Variants in BCHE observed in about 807,000 individuals in gnomAD.
The protein encoded by BCHE is butyrylcholinesterase.
In BCHE, 48 loss-of-function variants were observed where a neutral mutation model predicts 51.3. That is an observed-to-expected ratio of 0.94 (90% CI 0.74 to 1.19). The LOEUF (loss-of-function observed/expected upper bound fraction) is 1.19, where lower values mean the gene tolerates loss of function less well. BCHE is among the 50% of genes most tolerant of loss of function. The pLI, the probability that BCHE is intolerant of heterozygous loss-of-function variation, is 0.00. For synonymous variants in BCHE, 251 were observed against 238.0 expected (o/e 1.05, Z -0.50); for missense variants, 847 against 708.2 (o/e 1.20, Z -2.23).
At chr3:165,825,759 G>A (rs950469142) in intron 2 of BCHE, among the ~76,000 whole-genome samples, 18 of 151,798 alleles carry the variant, frequency 1.2e-4, no homozygotes, top group Admixed American at 9.9e-4. Context: ...GTGTCCATGT[G>A]TTCTCATTGT....
At chr3:165,832,772 G>A (rs1357929036) in intron 1 of BCHE, among the ~76,000 whole-genome samples, 2 of 151,874 alleles carry the variant, frequency 1.3e-5, no homozygotes, top group Non-Finnish European at 2.9e-5. Flanking sequence ...CAAATACTAA[G>A]CATTTGTATT....
intron 2 of BCHE, among the ~76,000 whole-genome samples, chr3:165,802,143 G>C (rs1713677077): frequency 3.3e-5 from 5 of 152,144 alleles, no homozygotes; most frequent in Admixed American, 3.3e-4. Flanking sequence ...ACCAGAGTCT[G>C]CTACTAAAAG....
chr3:165,774,972 C>A (rs1467326583), intron 3 of BCHE, among the ~76,000 whole-genome samples: 1 of 151,660 alleles, frequency 6.6e-6, no homozygotes, highest in African/African-American at 2.4e-5. Flanking sequence ...GCATAATAAG[C>A]AATATATATA....
At chr3:165,823,708 T>A (rs1714611202) in intron 2 of BCHE, among the ~76,000 whole-genome samples, 1 of 152,058 alleles carries the variant, frequency 6.6e-6, no homozygotes, top group Non-Finnish European at 1.5e-5. Context: ...AAGACTTAAA[T>A]AATCCCAATG....
intron 3 of BCHE, among the ~76,000 whole-genome samples, chr3:165,783,976 G>A (rs150284109): frequency 1.7e-3 from 263 of 152,048 alleles, no homozygotes; most frequent in African/African-American, 6.2e-3. Context: ...CATTTTATTT[G>A]AGAACATTTA....
intron 2 of BCHE, 91 bp from the exon 3 acceptor site, chr3:165,786,402 TA>T (rs1306464945): frequency 1.2e-5 from 15 of 1,237,604 alleles, no homozygotes; most frequent in Non-Finnish European, 1.7e-5. Flanking sequence ...ACAAGAGCTT[TA>T]AAGAATTTAA....
At chr3:165,783,970 T>G (rs1192573862) in intron 3 of BCHE, among the ~76,000 whole-genome samples, 2 of 152,040 alleles carry the variant, frequency 1.3e-5, no homozygotes, top group Non-Finnish European at 2.9e-5. Context: ...AAGAATCATT[T>G]TATTTGAGAA....
At chr3:165,782,505 G>A (rs1463685342) in intron 3 of BCHE, among the ~76,000 whole-genome samples, 1 of 146,458 alleles carries the variant, frequency 6.8e-6, no homozygotes, top group Non-Finnish European at 1.5e-5. Context: ...AAAAAAAATC[G>A]TTTTCTCTTC....
intron 2 of BCHE, among the ~76,000 whole-genome samples, chr3:165,795,388 T>C (rs1424645827): frequency 6.6e-6 from 1 of 152,214 alleles, no homozygotes; most frequent in African/African-American, 2.4e-5. Context: ...AAGGTCTTTA[T>C]AACTGTATTC....
At chr3:165,787,097 C>T (rs1323099774) in intron 2 of BCHE, among the ~76,000 whole-genome samples, 4 of 151,680 alleles carry the variant, frequency 2.6e-5, no homozygotes, top group Non-Finnish European at 5.9e-5. Context: ...TGTGTCTAAA[C>T]TCATTCAAAA....
At chr3:165,789,315 T>TTG (rs1335041462) in intron 2 of BCHE, among the ~76,000 whole-genome samples, 2 of 151,566 alleles carry the variant, frequency 1.3e-5, no homozygotes, top group Admixed American at 1.3e-4. Flanking sequence ...AGAGTATCTT[T>TTG]TTTTTTACAT....
intron 3 of BCHE, among the ~76,000 whole-genome samples, chr3:165,785,931 T>C (rs1348734707): frequency 6.6e-6 from 1 of 151,786 alleles, no homozygotes; most frequent in Admixed American, 6.6e-5. Flanking sequence ...TTTCTTTATT[T>C]AACTACTAAA....
At chr3:165,794,498 T>C (rs964847220) in intron 2 of BCHE, among the ~76,000 whole-genome samples, 1 of 152,176 alleles carries the variant, frequency 6.6e-6, no homozygotes, top group Non-Finnish European at 1.5e-5. Context: ...TGGTGTCTGA[T>C]GAGAGGGCTT....
At chr3:165,827,808 G>A (rs190439857) in intron 2 of BCHE, among the ~76,000 whole-genome samples, 7 of 152,130 alleles carry the variant, frequency 4.6e-5, no homozygotes, top group South Asian at 2.1e-4. Flanking sequence ...TAAGCTGATC[G>A]TTCTTTCCTT....
chr3:165,808,666 C>G (rs1432714664), intron 2 of BCHE, among the ~76,000 whole-genome samples: 1 of 151,880 alleles, frequency 6.6e-6, no homozygotes, highest in Admixed American at 6.6e-5. Flanking sequence ...AATCTCAGCA[C>G]TTTGAGAGGA....
At chr3:165,800,343 G>A (rs904884612) in intron 2 of BCHE, among the ~76,000 whole-genome samples, 4 of 151,864 alleles carry the variant, frequency 2.6e-5, no homozygotes, top group Admixed American at 6.6e-5. Context: ...AACTTTATTC[G>A]TTACTAAATC....
intron 2 of BCHE, among the ~76,000 whole-genome samples, chr3:165,797,191 T>TC (rs1413758070): frequency 1.2e-5 from 1 of 82,010 alleles, no homozygotes; most frequent in African/African-American, 5.1e-5. Flanking sequence ...CCTCCTTCGT[T>TC]CTTCCCTCCC....
chr3:165,781,580 G>T (rs1490159362), intron 3 of BCHE, among the ~76,000 whole-genome samples: 2 of 150,862 alleles, frequency 1.3e-5, no homozygotes, highest in African/African-American at 4.9e-5. Context: ...AGTACACACT[G>T]GGGCCAGTCG....
At chr3:165,780,265 T>A (rs1044562936) in intron 3 of BCHE, among the ~76,000 whole-genome samples, 1 of 152,154 alleles carries the variant, frequency 6.6e-6, no homozygotes, top group Non-Finnish European at 1.5e-5. Context: ...TAACTCAAGA[T>A]GGATTAAAGA....
Sources: allele counts gnomAD v4.1 joint callset (sites outside exome capture counted in the v4.1 genomes callset), GRCh38; gene constraint gnomAD v4.1.1; transcripts MANE v1.5; gene names NCBI Gene and HGNC (gene_info 2026-07-23, HGNC 2026-07-21).